Variants in CDKAL1 observed in about 807,000 individuals in gnomAD.
CDKAL1 encodes the protein threonylcarbamoyladenosine tRNA methylthiotransferase.
Under a neutral mutation model 68.2 loss-of-function variants are expected in CDKAL1, and 32 were observed. The observed-to-expected ratio is 0.47, with a 90% CI of 0.35 to 0.63. The LOEUF is 0.63. Ranked by LOEUF, CDKAL1 falls within the 30% of genes least tolerant of loss-of-function variation. CDKAL1 has a pLI of 0.00. For synonymous variants in CDKAL1, 234 were observed against 244.3 expected (o/e 0.96, Z 0.39); for missense variants, 606 against 696.7 (o/e 0.87, Z 1.47).
intron 12 of CDKAL1, among the ~76,000 whole-genome samples, chr6:21,096,930 T>C (rs1305281391): frequency 6.6e-6 from 1 of 152,368 alleles, no homozygotes; most frequent in South Asian, 2.1e-4. Flanking sequence ...TATCTTGTCA[T>C]ATGTTAAAGG....
intron 13 of CDKAL1, among the ~76,000 whole-genome samples, chr6:21,174,406 TAATG>T (rs1428281868): frequency 6.6e-6 from 1 of 152,150 alleles, no homozygotes; most frequent in Non-Finnish European, 1.5e-5. Context: ...AACTTACACA[TAATG>T]AATGAGGGTA....
chr6:20,610,610 A>G (rs920747099), intron 4 of CDKAL1, among the ~76,000 whole-genome samples: 7 of 151,950 alleles, frequency 4.6e-5, no homozygotes, highest in African/African-American at 1.7e-4. Flanking sequence ...AATAACCCAT[A>G]TCAGGCCAGA....
chr6:20,726,841 C>T (rs1004297735), intron 5 of CDKAL1, among the ~76,000 whole-genome samples: 2 of 152,178 alleles, frequency 1.3e-5, no homozygotes, highest in African/African-American at 4.8e-5. Flanking sequence ...ATTTATGTAA[C>T]ATATACCCCA....
intron 10 of CDKAL1, among the ~76,000 whole-genome samples, chr6:20,999,663 T>TAAAAAAAA (rs36078234): frequency 3.0e-4 from 28 of 93,348 alleles, no homozygotes; most frequent in East Asian, 8.9e-4. Context: ...TGACTGAAAT[T>TAAAAAAAA]AAAAAAAAAA....
intron 11 of CDKAL1, among the ~76,000 whole-genome samples, chr6:21,031,401 A>G (rs1769282225): frequency 6.6e-6 from 1 of 151,116 alleles, no homozygotes. Context: ...ATCAGGAAAA[A>G]TCTCCTTATC....
chr6:20,757,437 C>G (rs1774267749), intron 6 of CDKAL1, among the ~76,000 whole-genome samples: 1 of 152,054 alleles, frequency 6.6e-6, no homozygotes, highest in Admixed American at 6.5e-5. Context: ...GAAAAAACAT[C>G]AAGGCACAGG....
intron 12 of CDKAL1, among the ~76,000 whole-genome samples, chr6:21,089,828 T>A (rs1772904078): frequency 6.6e-6 from 1 of 152,228 alleles, no homozygotes; most frequent in African/African-American, 2.4e-5. Context: ...TAGAGCAAAG[T>A]AAGCCATAAA....
intron 13 of CDKAL1, among the ~76,000 whole-genome samples, chr6:21,183,647 G>A (rs2493868): frequency 5.6e-4 from 85 of 152,188 alleles, no homozygotes; most frequent in Non-Finnish European, 8.1e-4. Context: ...AATGGAAGAT[G>A]TGTGTGAAGT....
At chr6:21,169,432 C>T (rs1306943090) in intron 13 of CDKAL1, among the ~76,000 whole-genome samples, 1 of 152,136 alleles carries the variant, frequency 6.6e-6, no homozygotes, top group Non-Finnish European at 1.5e-5. Flanking sequence ...GCCAGGAGTT[C>T]AGGACCAGCC....
chr6:20,823,757 G>A (rs913096131), intron 8 of CDKAL1, among the ~76,000 whole-genome samples: 6 of 152,076 alleles, frequency 3.9e-5, no homozygotes, highest in African/African-American at 7.2e-5. Context: ...TCATACAAAC[G>A]AATGCTGCGT....
chr6:21,225,484 C>T (rs1488618666), intron 15 of CDKAL1, among the ~76,000 whole-genome samples: 1 of 152,112 alleles, frequency 6.6e-6, no homozygotes, highest in East Asian at 1.9e-4. Context: ...GTTTTTCAAG[C>T]TACACTCCTG....
chr6:21,122,199 A>G (rs1206730023), intron 13 of CDKAL1, among the ~76,000 whole-genome samples: 8 of 152,264 alleles, frequency 5.3e-5, no homozygotes, highest in Non-Finnish European at 1.0e-4. Context: ...AGATTTATGT[A>G]AGTCCTACAT....
chr6:21,107,714 G>A lies in CDKAL1; in HGVS notation c.1237-687G>A, dbSNP rs188580968. ...CCCAAAATGCTGGGATTACAAGCAT[G>A]AGCCACCATGCTCGGCCAAAAGAGC... On this transcript the variant is annotated intron_variant, in intron 12 of 15. Transcript: ENST00000274695. Among the ~76,000 whole-genome samples, 523 of 152,292 alleles carry A rather than the reference G, an allele frequency of 3.4e-3. 3 individuals are homozygous for A. Among genetic ancestry groups the A allele is most frequent in the Non-Finnish European group, 4.8e-3 (326 of 68,018 alleles).
intron 13 of CDKAL1, among the ~76,000 whole-genome samples, chr6:21,176,958 A>G (rs990034383): frequency 7.9e-5 from 12 of 151,984 alleles, no homozygotes; most frequent in Non-Finnish European, 1.6e-4. Flanking sequence ...CAGCCTCCCA[A>G]AGTGCTGGGA....
chr6:21,061,846 C>CA (rs1343472906), intron 11 of CDKAL1, among the ~76,000 whole-genome samples: 1 of 152,168 alleles, frequency 6.6e-6, no homozygotes, highest in Non-Finnish European at 1.5e-5. Flanking sequence ...ATTTTATAAG[C>CA]AATCAGTTTG....
chr6:20,833,453 C>T (rs1777801904), intron 8 of CDKAL1, among the ~76,000 whole-genome samples: 1 of 152,078 alleles, frequency 6.6e-6, no homozygotes, highest in African/African-American at 2.4e-5. Flanking sequence ...TCATTCAATT[C>T]CAAGACCAGG....
chr6:21,130,657 C>A (rs1475698953), intron 13 of CDKAL1, among the ~76,000 whole-genome samples: 5 of 152,314 alleles, frequency 3.3e-5, no homozygotes, highest in African/African-American at 1.2e-4. Context: ...CAACTACTCA[C>A]CTAGAGTTCT....
chr6:20,759,088 A>G (rs1158705272), intron 7 of CDKAL1, among the ~76,000 whole-genome samples: 2 of 152,192 alleles, frequency 1.3e-5, no homozygotes, highest in East Asian at 1.9e-4. Context: ...GCAGTAAGCT[A>G]TAATCATGTA....
At chr6:20,991,822 C>A in intron 10 of CDKAL1, among the ~76,000 whole-genome samples, 1 of 150,032 alleles carries the variant, frequency 6.7e-6, no homozygotes, top group Non-Finnish European at 1.5e-5. Context: ...TTGAGTCTAG[C>A]CTGGGCAACA....
Sources: gnomAD v4.1 joint callset for allele counts (sites outside exome capture counted in the v4.1 genomes callset) on GRCh38, gnomAD v4.1.1 for gene constraint, MANE v1.5 for transcripts, NCBI Gene and HGNC (gene_info 2026-07-23, HGNC 2026-07-21) for gene names.